MAGI2: variants seen among roughly 807,000 people sequenced by gnomAD.
MAGI2 encodes membrane associated guanylate kinase, WW and PDZ domain containing 2.
A neutral mutation model predicts 133.3 loss-of-function variants in MAGI2; 35 were observed. That is an observed-to-expected ratio of 0.26 (90% confidence interval 0.20 to 0.35). The LOEUF is 0.35. MAGI2 is among the 10% of genes least tolerant of loss of function. The probability of loss-of-function intolerance (pLI) is 1.00; values close to 1 mark genes in which losing one functional copy is unlikely to be tolerated. For missense variants in MAGI2, 1,636 were observed against 1,863.4 expected (o/e 0.88, Z 2.25); for synonymous variants, 729 against 710.6 (o/e 1.03, Z -0.41).
intron 2 of MAGI2, among the ~76,000 whole-genome samples, chr7:79,004,554 T>C (rs1300054658): frequency 1.3e-5 from 2 of 152,172 alleles, no homozygotes; most frequent in Middle Eastern, 3.2e-3. Flanking sequence ...AGACTGACTA[T>C]AGTAGACAAC....
intron 1 of MAGI2, among the ~76,000 whole-genome samples, chr7:79,350,462 A>C (rs905047360): frequency 1.3e-5 from 2 of 152,162 alleles, no homozygotes; most frequent in Admixed American, 1.3e-4. Flanking sequence ...TTATGAAGAA[A>C]AAAATTGCTG....
chr7:78,319,891 G>A lies in MAGI2; in HGVS notation c.1408+23887C>T, dbSNP rs923398101. Among the ~76,000 whole-genome samples the A allele has an allele frequency of 4.6e-5, 7 of 152,184 alleles. No homozygotes were observed. In the South Asian group the frequency reaches 1.5e-3, roughly 32 times the overall value. On this transcript the variant is annotated intron_variant, in intron 9 of 21. Coordinates refer to ENST00000354212, the MANE Select transcript of MAGI2 (RefSeq NM_012301.4). ...ATAGACCACTAACAAGACTAATAAA[G>A]ACGAAAAGAGAGAAGAATCAAATAG...
At chr7:78,333,217 T>G (rs1004041082) in intron 9 of MAGI2, among the ~76,000 whole-genome samples, 4 of 152,222 alleles carry the variant, frequency 2.6e-5, no homozygotes, top group African/African-American at 9.6e-5. Flanking sequence ...TGATTCACTA[T>G]TATTTATTGC....
chr7:78,638,650 G>T (rs1375204490), intron 2 of MAGI2, among the ~76,000 whole-genome samples: 1 of 152,154 alleles, frequency 6.6e-6, no homozygotes, highest in Non-Finnish European at 1.5e-5. Flanking sequence ...CTCCAGGACA[G>T]ATCAACACTG....
At chr7:79,320,036 T>C (rs1012768174) in intron 1 of MAGI2, among the ~76,000 whole-genome samples, 1 of 152,162 alleles carries the variant, frequency 6.6e-6, no homozygotes, top group Non-Finnish European at 1.5e-5. Context: ...TCCTTCTTTG[T>C]GCTACTGAGG....
chr7:78,659,671 A>G (rs1293024480), intron 2 of MAGI2, among the ~76,000 whole-genome samples: 1 of 152,058 alleles, frequency 6.6e-6, no homozygotes. Flanking sequence ...GTGGCTATAA[A>G]AGGACAACAT....
At chr7:78,282,270 A>G (rs1343706056) in intron 9 of MAGI2, among the ~76,000 whole-genome samples, 1 of 152,098 alleles carries the variant, frequency 6.6e-6, no homozygotes, top group East Asian at 1.9e-4. Context: ...TACCACTCGG[A>G]GTCCCTATGC....
At chr7:78,422,049 CA>C (rs1267232936) in intron 6 of MAGI2, among the ~76,000 whole-genome samples, 1 of 152,112 alleles carries the variant, frequency 6.6e-6, no homozygotes, top group Non-Finnish European at 1.5e-5. Flanking sequence ...ATGTGTATTT[CA>C]AAACTACACT....
chr7:78,241,546 G>C (rs1791138955), intron 10 of MAGI2, among the ~76,000 whole-genome samples: 1 of 152,200 alleles, frequency 6.6e-6, no homozygotes, highest in Non-Finnish European at 1.5e-5. Context: ...CTCTCAGTCT[G>C]TTAGGATACC....
At position 79,358,019 on chromosome 7, in the gene MAGI2, G is replaced by A. The variant is rs1428423315; in HGVS notation, c.301+95001C>T. Among the ~76,000 whole-genome samples, 6 of 152,002 alleles carry A rather than the reference G, an allele frequency of 3.9e-5. No homozygotes were observed. In the East Asian group the frequency reaches 1.2e-3, roughly 29 times the overall value. ...GACCTTGATTTGTAGGACAATAGGT[G>A]AGCCTTGAAACCCTATTTAAGTGTT... On this transcript the variant is annotated intron_variant, in intron 1 of 21. Coordinates refer to ENST00000354212, the MANE Select transcript of MAGI2 (RefSeq NM_012301.4).
chr7:79,308,205 CTG>C (rs796984136), intron 1 of MAGI2, among the ~76,000 whole-genome samples: 16 of 152,226 alleles, frequency 1.1e-4, no homozygotes, highest in African/African-American at 3.4e-4. Flanking sequence ...AATAGACAAA[CTG>C]TTATATTTCA....
At chr7:78,268,773 C>A (rs1447951580) in intron 9 of MAGI2, among the ~76,000 whole-genome samples, 1 of 152,100 alleles carries the variant, frequency 6.6e-6, no homozygotes, top group East Asian at 1.9e-4. Context: ...AAAAGTATTA[C>A]ATAATGTAAA....
chr7:78,658,689 A>G (rs143782465), intron 2 of MAGI2, among the ~76,000 whole-genome samples: 1 of 152,354 alleles, frequency 6.6e-6, no homozygotes, highest in African/African-American at 2.4e-5. Flanking sequence ...GGATATACGG[A>G]TGGCAAATAA....
chr7:78,673,421 G>A (rs1452581976), intron 2 of MAGI2, among the ~76,000 whole-genome samples: 1 of 151,852 alleles, frequency 6.6e-6, no homozygotes, highest in East Asian at 1.9e-4. Context: ...ACCCAGGACA[G>A]CCAAGTACCA....
intron 2 of MAGI2, among the ~76,000 whole-genome samples, chr7:78,736,373 T>A (rs1314869789): frequency 6.6e-6 from 1 of 152,214 alleles, no homozygotes; most frequent in Non-Finnish European, 1.5e-5. Context: ...AAATACTGGC[T>A]TTGTTCAGAG....
At chr7:78,677,399 ATATAT>A (rs1260962862) in intron 2 of MAGI2, among the ~76,000 whole-genome samples, 1 of 151,836 alleles carries the variant, frequency 6.6e-6, no homozygotes, top group African/African-American at 2.4e-5. Flanking sequence ...TTTAAATGAC[ATATAT>A]TAAAGTATAT....
At chr7:78,980,205 A>T (rs1314845170) in intron 2 of MAGI2, among the ~76,000 whole-genome samples, 1 of 151,786 alleles carries the variant, frequency 6.6e-6, no homozygotes, top group Non-Finnish European at 1.5e-5. Flanking sequence ...GATAATGATT[A>T]TATCTTCCTC....
intron 1 of MAGI2, among the ~76,000 whole-genome samples, chr7:79,165,467 C>G (rs1490514462): frequency 1.3e-5 from 2 of 152,012 alleles, no homozygotes; most frequent in Non-Finnish European, 2.9e-5. Flanking sequence ...GTGATTCAAT[C>G]TGCATTTCCA....
chr7:79,415,538 A>G (rs748331184), intron 1 of MAGI2: 26 of 152,124 alleles, frequency 1.7e-4, no homozygotes, highest in Non-Finnish European at 3.1e-4. Flanking sequence ...AACAGAAAGT[A>G]TTTCTGGGAA....
Sources: gnomAD v4.1 joint callset for allele counts (sites outside exome capture counted in the v4.1 genomes callset) on GRCh38, gnomAD v4.1.1 for gene constraint, MANE v1.5 for transcripts, NCBI Gene and HGNC (gene_info 2026-07-23, HGNC 2026-07-21) for gene names.